XKR6: variants seen among roughly 807,000 people sequenced by gnomAD.
XKR6 encodes XK related 6.
In XKR6, 22 loss-of-function variants were observed where a neutral mutation model predicts 56.7. The ratio of observed to expected loss-of-function variants is 0.39; its 90% CI spans 0.28 to 0.55. The LOEUF (loss-of-function observed/expected upper bound fraction) is 0.55. XKR6 is among the 20% of genes least tolerant of loss of function. XKR6 has a pLI of 0.66. For missense variants in XKR6, 852 were observed against 889.0 expected (o/e 0.96, Z 0.53); for synonymous variants, 524 against 387.8 (o/e 1.35, Z -4.13).
intron 1 of XKR6, among the ~76,000 whole-genome samples, chr8:11,010,112 G>GAAGGTGA (rs369180464): frequency 4.6e-5 from 7 of 152,158 alleles, no homozygotes; most frequent in Non-Finnish European, 8.8e-5. Context: ...AATCATGGTG[G>GAAGGTGA]AAGGTGAAAG....
chr8:11,086,148 A>ATATATATATATATATATTTT (rs71203369), intron 1 of XKR6, among the ~76,000 whole-genome samples: 8 of 120,722 alleles, frequency 6.6e-5, no homozygotes, highest in African/African-American at 2.7e-4. Flanking sequence ...ATATATATAT[A>ATATATATATATATATATTTT]TTTTTTTTTA....
intron 1 of XKR6, among the ~76,000 whole-genome samples, chr8:11,142,040 A>T (rs571209539): frequency 8.1e-4 from 123 of 151,828 alleles, no homozygotes; most frequent in Non-Finnish European, 1.3e-3. Context: ...AAAAAAAAGG[A>T]AAAAAGGAAA....
At chr8:11,131,260 T>C (rs1049376940) in intron 1 of XKR6, among the ~76,000 whole-genome samples, 85 of 152,322 alleles carry the variant, frequency 5.6e-4, no homozygotes, top group Non-Finnish European at 1.1e-3. Context: ...TTCAACTGTA[T>C]CCTATTTCTG....
intron 1 of XKR6, among the ~76,000 whole-genome samples, chr8:11,163,065 G>A (rs1034980410): frequency 1.3e-5 from 2 of 152,046 alleles, no homozygotes; most frequent in Admixed American, 6.6e-5. Context: ...GGAAAACAAG[G>A]AAACTAGAAC....
intron 1 of XKR6, chr8:11,105,282 C>G (rs1447604651): frequency 6.6e-6 from 1 of 152,194 alleles, no homozygotes; most frequent in African/African-American, 2.4e-5. Flanking sequence ...TTTTACCAAA[C>G]AAGAACATAC....
intron 1 of XKR6, among the ~76,000 whole-genome samples, chr8:11,039,181 C>G (rs918493863): frequency 2.0e-5 from 3 of 152,194 alleles, no homozygotes; most frequent in African/African-American, 7.2e-5. Flanking sequence ...CCTAGAAATG[C>G]AAAGCGAAGG....
chr8:10,964,723 AG>A (rs1802165440), intron 1 of XKR6, among the ~76,000 whole-genome samples: 1 of 152,204 alleles, frequency 6.6e-6, no homozygotes, highest in African/African-American at 2.4e-5. Flanking sequence ...TCACCTGGTC[AG>A]GGCAGGGGCC....
At chr8:10,962,512 T>C (rs992630335) in intron 1 of XKR6, among the ~76,000 whole-genome samples, 1 of 152,214 alleles carries the variant, frequency 6.6e-6, no homozygotes, top group Non-Finnish European at 1.5e-5. Context: ...ATTTACGATG[T>C]CTTACATCTT....
intron 1 of XKR6, among the ~76,000 whole-genome samples, chr8:11,160,913 A>AAAAAAAAAAAAAAAAAG (rs1287067920): frequency 1.3e-4 from 19 of 147,932 alleles, no homozygotes; most frequent in African/African-American, 4.5e-4. Flanking sequence ...CTCCGTCTCA[A>AAAAAAAAAAAAAAAAAG]AAAAAAAAAA....
intron 1 of XKR6, chr8:11,128,739 C>T (rs1799952046): frequency 2.4e-6 from 1 of 425,174 alleles, no homozygotes. Flanking sequence ...AAAATCTTCA[C>T]ATCATCCTTT....
intron 1 of XKR6, among the ~76,000 whole-genome samples, chr8:11,054,907 A>C (rs1251281613): frequency 6.6e-6 from 1 of 152,124 alleles, no homozygotes; most frequent in Non-Finnish European, 1.5e-5. Flanking sequence ...CCCTTTCCTA[A>C]TTCATGCAAA....
In XKR6 at chr8:10,984,732, CTATATA is replaced by C. The variant is rs58774414; in HGVS notation, c.765-59908_765-59903del. On this transcript the variant is annotated intron_variant, in intron 1 of 2. Coordinates refer to ENST00000416569, the MANE Select transcript of XKR6 (RefSeq NM_173683.4). ...TCTCTCTCTCTCTCTCTCTCTCTCT[CTATATA>C]TATATATATATATATATATTTGAAG... Among the ~76,000 whole-genome samples, 67 of 47,492 alleles carry C rather than the reference CTATATA, an allele frequency of 1.4e-3. 1 individual carries two copies. The highest frequency in any genetic ancestry group is 3.1e-3 in the African/African-American group (34 of 11,102). The allele number at this position is 47,492 out of a possible 152,430, so 31.2% of individuals were successfully genotyped here.
chr8:11,017,985 C>G (rs1225506930), intron 1 of XKR6, among the ~76,000 whole-genome samples: 2 of 152,294 alleles, frequency 1.3e-5, no homozygotes, highest in Non-Finnish European at 2.9e-5. Flanking sequence ...TCTGTTATAC[C>G]TGTCCCCAGG....
At chr8:11,039,670 CG>C (rs1278687081) in intron 1 of XKR6, among the ~76,000 whole-genome samples, 1 of 152,210 alleles carries the variant, frequency 6.6e-6, no homozygotes, top group African/African-American at 2.4e-5. Flanking sequence ...TGGTGGCCCA[CG>C]CCCTCCACAA....
intron 1 of XKR6, among the ~76,000 whole-genome samples, chr8:11,148,562 T>G (rs921469580): frequency 6.6e-6 from 1 of 152,238 alleles, no homozygotes. Flanking sequence ...CAACTGCAAT[T>G]CTCAGACTGC....
intron 1 of XKR6, among the ~76,000 whole-genome samples, chr8:11,134,885 C>A (rs1800302109): frequency 6.6e-6 from 1 of 151,920 alleles, no homozygotes; most frequent in African/African-American, 2.4e-5. Context: ...GCTATACAAC[C>A]ATAGAAAATT....
chr8:11,096,701 C>A (rs1798272756), intron 1 of XKR6, among the ~76,000 whole-genome samples: 1 of 152,252 alleles, frequency 6.6e-6, no homozygotes, highest in East Asian at 1.9e-4. Flanking sequence ...ATCCCATCAA[C>A]CCAGGACAGG....
At chr8:10,989,108 C>T (rs1258177333) in intron 1 of XKR6, among the ~76,000 whole-genome samples, 1 of 152,206 alleles carries the variant, frequency 6.6e-6, no homozygotes, top group East Asian at 1.9e-4. Context: ...GTGATGTCTG[C>T]AGCCTAGGAA....
intron 2 of XKR6, among the ~76,000 whole-genome samples, chr8:10,921,860 T>C (rs866131982): frequency 2.0e-5 from 3 of 152,234 alleles, no homozygotes; most frequent in Admixed American, 2.0e-4. Context: ...GAGTCTGCTA[T>C]GGTTTGAAGG....
Sources: allele counts gnomAD v4.1 joint callset (sites outside exome capture counted in the v4.1 genomes callset), GRCh38; gene constraint gnomAD v4.1.1; transcripts MANE v1.5; gene names NCBI Gene and HGNC (gene_info 2026-07-23, HGNC 2026-07-21).